PTPRR: variants seen among roughly 807,000 people sequenced by gnomAD.
The protein encoded by PTPRR is protein tyrosine phosphatase receptor type R, also known as receptor-type tyrosine-protein phosphatase R.
In PTPRR, 38 loss-of-function variants were observed where a neutral mutation model predicts 77.2. The ratio of observed to expected loss-of-function variants is 0.49; its 90% CI spans 0.38 to 0.65. The LOEUF (loss-of-function observed/expected upper bound fraction) is 0.65, where lower values mean the gene tolerates loss of function less well. PTPRR is among the 30% of genes least tolerant of loss of function. PTPRR has a pLI of 0.00. For synonymous variants in PTPRR, 299 were observed against 283.1 expected (o/e 1.06, Z -0.57); for missense variants, 744 against 799.2 (o/e 0.93, Z 0.83).
At chr12:70,755,828 C>A (rs937336809) in intron 4 of PTPRR, among the ~76,000 whole-genome samples, 3 of 152,098 alleles carry the variant, frequency 2.0e-5, no homozygotes, top group Non-Finnish European at 4.4e-5. Context: ...GACAAATTTT[C>A]TTTCACCTCT....
At chr12:70,770,134 G>T (rs1315069849) in intron 2 of PTPRR, among the ~76,000 whole-genome samples, 3 of 147,660 alleles carry the variant, frequency 2.0e-5, no homozygotes, top group Admixed American at 1.3e-4. Flanking sequence ...AAAAGCAATG[G>T]CAACAAAAGA....
intron 10 of PTPRR, among the ~76,000 whole-genome samples, chr12:70,683,291 T>G (rs1887742009): frequency 6.6e-6 from 1 of 152,176 alleles, no homozygotes; most frequent in African/African-American, 2.4e-5. Flanking sequence ...ATAATCCCAG[T>G]AAGTTGTCCT....
intron 8 of PTPRR, among the ~76,000 whole-genome samples, chr12:70,690,128 C>A (rs751994948): frequency 5.9e-5 from 9 of 152,108 alleles, no homozygotes; most frequent in Non-Finnish European, 1.3e-4. Flanking sequence ...AAAGGTAATA[C>A]CCTAGGGATG....
intron 13 of PTPRR, among the ~76,000 whole-genome samples, chr12:70,649,013 T>A (rs1194507658): frequency 2.0e-5 from 3 of 152,184 alleles, no homozygotes; most frequent in African/African-American, 7.2e-5. Context: ...AAAAATAATG[T>A]CTTGCCAGAG....
At chr12:70,918,922 T>TA (rs1282681622) in intron 1 of PTPRR, among the ~76,000 whole-genome samples, 1 of 152,226 alleles carries the variant, frequency 6.6e-6, no homozygotes, top group Non-Finnish European at 1.5e-5. Context: ...TGTTTGCAAA[T>TA]AATTTAATAA....
chr12:70,865,913 C>T (rs549502657), intron 2 of PTPRR, among the ~76,000 whole-genome samples: 2 of 152,232 alleles, frequency 1.3e-5, no homozygotes, highest in African/African-American at 4.8e-5. Context: ...TATACCAGAT[C>T]TCTTAATTTT....
rs1481216760 is a variant in PTPRR at position 70,839,416 on chromosome 12, A to AG, written c.357+53262dup. ...AGATGACTTATATTACTTAAAATTA[A>AG]GGGAAAAATCTTAGAAATGTGCAAC... On this transcript the variant is annotated intron_variant, in intron 2 of 13. Transcript: ENST00000283228. Among the ~76,000 whole-genome samples the AG allele has an allele frequency of 3.8e-5, 3 of 78,260 alleles. No homozygotes were observed. In the East Asian group the frequency reaches 1.0e-3, roughly 26 times the overall value. 51.3% of individuals were successfully genotyped at this position (78,260 alleles called of 152,430 possible). A position where few individuals can be genotyped will look rare whatever the true frequency, so the allele number is the denominator to read the frequency against.
intron 6 of PTPRR, among the ~76,000 whole-genome samples, chr12:70,705,745 A>T (rs1888596658): frequency 6.6e-6 from 1 of 152,028 alleles, no homozygotes; most frequent in Non-Finnish European, 1.5e-5. Flanking sequence ...GTTCTGTGAA[A>T]AGTATATATA....
chr12:70,847,644 C>T (rs1324296990), intron 2 of PTPRR, among the ~76,000 whole-genome samples: 1 of 152,110 alleles, frequency 6.6e-6, no homozygotes, highest in African/African-American at 2.4e-5. Flanking sequence ...TCCTACTTCA[C>T]CAAAATAAAA....
At chr12:70,727,475 TA>T (rs1353015531) in intron 6 of PTPRR, among the ~76,000 whole-genome samples, 1 of 152,226 alleles carries the variant, frequency 6.6e-6, no homozygotes, top group Non-Finnish European at 1.5e-5. Context: ...GTTAATTTGT[TA>T]AAAAATTATC....
intron 2 of PTPRR, among the ~76,000 whole-genome samples, chr12:70,855,234 C>A (rs1005694863): frequency 6.6e-6 from 1 of 152,096 alleles, no homozygotes; most frequent in Admixed American, 6.6e-5. Flanking sequence ...AAAATTACTG[C>A]GATGGATGTT....
At chr12:70,761,735 T>A in intron 3 of PTPRR, 109 bp from the exon 4 acceptor site, 1 of 851,426 alleles carries the variant, frequency 1.2e-6, no homozygotes, top group Non-Finnish European at 1.7e-6. Context: ...TCTAGAATCC[T>A]AAAAGGCTTT....
chr12:70,835,598 G>A (rs766171602), intron 2 of PTPRR, among the ~76,000 whole-genome samples: 2 of 152,136 alleles, frequency 1.3e-5, no homozygotes, highest in East Asian at 1.9e-4. Context: ...TGACTCTAAA[G>A]TATTGAGCAC....
intron 6 of PTPRR, among the ~76,000 whole-genome samples, chr12:70,730,893 GGAAGGAGAGAGAGAGACAGAGAAT>G (rs1270390930): frequency 1.3e-5 from 2 of 149,718 alleles, no homozygotes; most frequent in African/African-American, 2.5e-5. Context: ...AGAGGAGGGA[GGAAGGAGAGAGAGAGACAGAGAAT>G]GAAGGAGAGA....
At position 70,660,980 on chromosome 12, in the gene PTPRR, G is replaced by C; in HGVS notation, c.1726C>G (p.Leu576Val). 6.2e-7 allele frequency: 1 copy of C among 1,613,932 alleles called. No individual in the cohort carries two copies. The highest frequency in any genetic ancestry group is 1.3e-5 in the African/African-American group (1 of 75,058). ...ACAGGCCCTCGGCCCTGGGAAGCAA[G>C]TCTGTCTTCTTCTACATCCAGCATG... ...QLMLDVEEDR[L>V]ASQGRGPVVV... Residue 576 changes from leucine (L) to valine (V), a missense_variant, in exon 12 of 14, where the codon CTT (leucine) becomes GTT (valine). Around this residue, in one of 3 missense-constraint regions of PTPRR, gnomAD observed 170 missense variants for 209.8 expected, o/e 0.81. Transcript: ENST00000283228.
chr12:70,875,640 T>TAG (rs1555182120), intron 2 of PTPRR, among the ~76,000 whole-genome samples: 1 of 125,234 alleles, frequency 8.0e-6, no homozygotes, highest in East Asian at 2.7e-4. Context: ...TATTGCTAAG[T>TAG]AGAAAAAAAA....
At chr12:70,698,525 A>G (rs1260839513) in intron 7 of PTPRR, among the ~76,000 whole-genome samples, 176 bp from the exon 8 acceptor site, 3 of 152,144 alleles carry the variant, frequency 2.0e-5, no homozygotes, top group Non-Finnish European at 4.4e-5. Flanking sequence ...CTGCATCCGG[A>G]CAAGCTGACT....
intron 2 of PTPRR, among the ~76,000 whole-genome samples, chr12:70,828,954 G>T (rs1407729926): frequency 2.0e-5 from 3 of 152,152 alleles, no homozygotes; most frequent in Non-Finnish European, 2.9e-5. Context: ...CAGCAGGCAA[G>T]GTGCCGGGGA....
At chr12:70,643,645 C>T (rs1163532484) in intron 13 of PTPRR, among the ~76,000 whole-genome samples, 1 of 152,178 alleles carries the variant, frequency 6.6e-6, no homozygotes, top group Admixed American at 6.5e-5. Context: ...TCTGACTTGA[C>T]TCCAGGAAGC....
Sources: gnomAD v4.1 joint callset for allele counts (sites outside exome capture counted in the v4.1 genomes callset) on GRCh38, gnomAD v4.1.1 for gene constraint, gnomAD v4.1.1 regional missense constraint, MANE v1.5 for transcripts, NCBI Gene and HGNC (gene_info 2026-07-23, HGNC 2026-07-21) for gene names.